Variants in ERCC6L2 observed in about 807,000 individuals in gnomAD.
ERCC6L2 encodes ERCC excision repair 6 like 2, also known as DNA excision repair protein ERCC-6-like 2.
In ERCC6L2, 77 loss-of-function variants were observed where a neutral mutation model predicts 132.0. That is an observed-to-expected ratio of 0.58 (90% confidence interval 0.49 to 0.71). ERCC6L2 has a LOEUF of 0.71. ERCC6L2 is among the 30% of genes least tolerant of loss of function. The pLI, the probability that ERCC6L2 is intolerant of heterozygous loss-of-function variation, is 0.00. For missense variants in ERCC6L2, 1,542 were observed against 1,837.6 expected, an observed-to-expected ratio of 0.84 and a Z score of 2.94; for synonymous variants, 583 against 632.4, an observed-to-expected ratio of 0.92 and a Z score of 1.17.
rs778820315 is a variant in ERCC6L2, at chr9:95,916,320, A to G, written c.1044A>G (p.Arg348=). The part of the protein sequence containing the change: ...EHGQRHTATK[R]ELATGRKAMQ... The stretch of plus-strand genomic sequence containing the variant: ...GTCAGAGACACACGGCAACAAAGAG[A>G]GAACTAGCCACTGGCCGAAAGGCCA... Residue 348 remains arginine, a synonymous_variant, in exon 6 of 19, where the codon AGA becomes AGG. Transcript: ENST00000653738. The G allele has an allele frequency of 3.7e-6, 6 of 1,614,018 alleles. No individual in the cohort carries two copies. In the South Asian group the frequency reaches 6.6e-5, roughly 18 times the overall value.
At chr9:96,034,803 G>A (rs1413539796) in intron 19 of ERCC6L2, among the ~76,000 whole-genome samples, 8 of 151,910 alleles carry the variant, frequency 5.3e-5, no homozygotes, top group Admixed American at 4.6e-4. Context: ...TGTGGCTGTG[G>A]ACCCGAGCCT....
intron 13 of ERCC6L2, among the ~76,000 whole-genome samples, chr9:95,962,109 C>T (rs1029482882): frequency 1.3e-5 from 2 of 152,116 alleles, no homozygotes; most frequent in Non-Finnish European, 2.9e-5. Context: ...AGGCATTTCA[C>T]TGAATTAAAA....
At chr9:96,021,040 G>C, downstream of ERCC6L2, 1 of 454,604 alleles carries the variant, frequency 2.2e-6, no homozygotes. This position sits in a 1 kb window ranked among gnomAD's most constrained non-coding sequence, Gnocchi z 4.7. Flanking sequence ...GCGCCGCCGC[G>C]GCGAACCCAG....
intron 3 of ERCC6L2, among the ~76,000 whole-genome samples, chr9:95,899,021 C>A (rs1265385215): frequency 6.6e-6 from 1 of 151,988 alleles, no homozygotes; most frequent in Non-Finnish European, 1.5e-5. Flanking sequence ...TCAGTTGTTC[C>A]CTGGTTCTAA....
At chr9:96,002,708 A>G (rs1833731205) in intron 17 of ERCC6L2, among the ~76,000 whole-genome samples, 1 of 152,198 alleles carries the variant, frequency 6.6e-6, no homozygotes, top group South Asian at 2.1e-4. Context: ...TGCTGGGATT[A>G]CAAGTGTGAG....
At chr9:96,037,842 G>A (rs147510976) in intron 19 of ERCC6L2, among the ~76,000 whole-genome samples, 8 of 152,058 alleles carry the variant, frequency 5.3e-5, no homozygotes, top group Non-Finnish European at 1.2e-4. Context: ...GAGATGGAGA[G>A]AGAGAAAGTA....
Position 96,013,300 on chromosome 9 carries a change from CAT to C in ERCC6L2, c.*102_*103del, listed in dbSNP as rs1472249760. On this transcript the variant is annotated 3_prime_UTR_variant, in exon 19 of 19. Transcript: ENST00000653738. The stretch of plus-strand genomic sequence containing the variant: ...CTATTATCTTGAACACAGTTGTTGA[CAT>C]ATATTTTTATTAAATTATTGCTTTA... 3.8e-6 allele frequency: 4 copies of C among 1,053,196 alleles called. No individual in the cohort carries two copies. The Admixed American group carries it at 8.8e-5, about 23-fold the overall frequency. The allele number at this position is 1,053,196 out of a possible 1,614,324, so 65.2% of individuals were successfully genotyped here.
intron 19 of ERCC6L2, among the ~76,000 whole-genome samples, chr9:96,029,209 T>C (rs1055551948): frequency 2.8e-5 from 4 of 145,112 alleles, no homozygotes; most frequent in East Asian, 2.0e-4. Context: ...GAGGCTAAGG[T>C]AGGAGAATTG....
chr9:95,904,877 A>T (rs566793216), intron 3 of ERCC6L2: 53 of 152,334 alleles, frequency 3.5e-4, no homozygotes, highest in Non-Finnish European at 7.1e-4. Flanking sequence ...TGCATTATTT[A>T]ACCTAGCTTC....
intron 17 of ERCC6L2, 60 bp downstream of exon 17, chr9:95,978,275 A>G (rs946935852): frequency 2.6e-6 from 3 of 1,134,494 alleles, no homozygotes; most frequent in Non-Finnish European, 3.5e-6. Context: ...GAAGTTACTC[A>G]ATAGGATCTT....
chr9:95,993,482 A>G (rs1434160410), intron 17 of ERCC6L2, among the ~76,000 whole-genome samples: 2 of 152,024 alleles, frequency 1.3e-5, no homozygotes, highest in Non-Finnish European at 2.9e-5. Flanking sequence ...CCCCAGGGAG[A>G]TGGAGTTCCT....
chr9:95,962,290 G>A (rs189294807), intron 13 of ERCC6L2, among the ~76,000 whole-genome samples: 82 of 151,978 alleles, frequency 5.4e-4, no homozygotes, highest in African/African-American at 1.8e-3. Context: ...ATTGTTGGTT[G>A]GGGCATTTGA....
chr9:95,983,855 T>C (rs532776003), intron 17 of ERCC6L2, among the ~76,000 whole-genome samples: 1 of 152,350 alleles, frequency 6.6e-6, no homozygotes, highest in African/African-American at 2.4e-5. Flanking sequence ...GGCTCAACAA[T>C]GGCCGGAGGC....
At chr9:95,939,330 T>G (rs1343347232) in intron 11 of ERCC6L2, among the ~76,000 whole-genome samples, 1 of 151,996 alleles carries the variant, frequency 6.6e-6, no homozygotes, top group Non-Finnish European at 1.5e-5. Context: ...ATCTTTTAGG[T>G]TAAGTCTGCT....
intron 12 of ERCC6L2, among the ~76,000 whole-genome samples, chr9:95,945,229 A>G (rs542022787): frequency 6.6e-6 from 1 of 152,332 alleles, no homozygotes; most frequent in Admixed American, 6.5e-5. Flanking sequence ...CTTGCTGAGA[A>G]AAAGAATTCA....
In ERCC6L2 at chr9:96,016,659, A is replaced by G. The variant is rs1309992436; in HGVS notation, c.*3456A>G. On this transcript the variant is annotated 3_prime_UTR_variant, in exon 19 of 19. Transcript: ENST00000653738. ...CTTCCACAGAAAATGAGAAAGCCAC[A>G]GGAAATACACGGTTATTTTCTAATT... Among the ~76,000 whole-genome samples, 1 of 152,244 alleles carries G rather than the reference A, an allele frequency of 6.6e-6. No homozygotes were observed. Among genetic ancestry groups the G allele is most frequent in the Non-Finnish European group, 1.5e-5 (1 of 68,028 alleles).
At chr9:95,933,034 A>G (rs1177479998) in intron 11 of ERCC6L2, among the ~76,000 whole-genome samples, 1 of 152,046 alleles carries the variant, frequency 6.6e-6, no homozygotes, top group Non-Finnish European at 1.5e-5. Context: ...TTCTTCTTTA[A>G]AGGGAGCTTT....
rs1391738344 is a variant in ERCC6L2 at position 96,018,241 on chromosome 9, G to T, written c.*5038G>T. 6.6e-6 allele frequency among the ~76,000 whole-genome samples: 1 copy of T among 152,146 alleles called. No homozygotes were observed. The highest frequency in any genetic ancestry group is 1.9e-4 in the East Asian group (1 of 5,202). Reference sequence around the variant, plus strand: ...GTCATTAAAATGCTAAATTTTGTATGTGTTTTACAATTTTAAAAATGGAAA... The same window carrying T: ...GTCATTAAAATGCTAAATTTTGTATTTGTTTTACAATTTTAAAAATGGAAA... On this transcript the variant is annotated 3_prime_UTR_variant, in exon 19 of 19. Coordinates refer to ENST00000653738, the MANE Select transcript of ERCC6L2 (RefSeq NM_020207.7).
intron 19 of ERCC6L2, among the ~76,000 whole-genome samples, chr9:96,031,368 C>A (rs574759123): frequency 1.3e-5 from 2 of 152,320 alleles, no homozygotes; most frequent in African/African-American, 4.8e-5. Flanking sequence ...ACTTCAGCCA[C>A]AGTCCGAATT....
Sources: gnomAD v4.1 joint callset for allele counts (sites outside exome capture counted in the v4.1 genomes callset) on GRCh38, gnomAD v4.1.1 for gene constraint, Gnocchi (gnomAD v3.1) non-coding constraint, MANE v1.5 for transcripts, NCBI Gene and HGNC (gene_info 2026-07-23, HGNC 2026-07-21) for gene names.